The following NXPH1 variants were observed in gnomAD, a reference collection of about 807,000 sequenced individuals.
NXPH1 encodes the protein neurexophilin-1.
Under a neutral mutation model 23.7 loss-of-function variants are expected in NXPH1, and 5 were observed. The observed-to-expected ratio is 0.21, with a 90% CI of 0.11 to 0.44. The LOEUF (loss-of-function observed/expected upper bound fraction) is 0.44, where lower values mean the gene tolerates loss of function less well. Among genes scored for constraint, NXPH1 ranks in the 20% least tolerant of loss-of-function variants. The probability of loss-of-function intolerance (pLI) is 0.99; values close to 1 mark genes in which losing one functional copy is unlikely to be tolerated. For synonymous variants in NXPH1, 144 were observed against 122.2 expected, an observed-to-expected ratio of 1.18 and a Z score of -1.18; for missense variants, 324 against 321.6, an observed-to-expected ratio of 1.01 and a Z score of -0.06.
intron 2 of NXPH1, among the ~76,000 whole-genome samples, chr7:8,707,884 CCTTT>C (rs1779728217): frequency 6.6e-6 from 1 of 151,920 alleles, no homozygotes; most frequent in Non-Finnish European, 1.5e-5. Context: ...TTAGAATTTC[CCTTT>C]CTTATTCTTT....
At chr7:8,572,219 A>G (rs1278318503) in intron 2 of NXPH1, among the ~76,000 whole-genome samples, 3 of 152,018 alleles carry the variant, frequency 2.0e-5, no homozygotes, top group Admixed American at 1.3e-4. Flanking sequence ...TACTTCCTCC[A>G]ATGCCCTAAT....
chr7:8,557,987 C>T (rs978733053), intron 2 of NXPH1, among the ~76,000 whole-genome samples: 8 of 151,528 alleles, frequency 5.3e-5, no homozygotes, highest in Non-Finnish European at 1.0e-4. Context: ...CCTCTCTGCC[C>T]GCACAGTCCT....
intron 2 of NXPH1, among the ~76,000 whole-genome samples, chr7:8,619,964 T>A (rs1422797350): frequency 6.6e-6 from 1 of 152,140 alleles, no homozygotes; most frequent in African/African-American, 2.4e-5. Flanking sequence ...GTTAACCAAG[T>A]GTCCTTTCCC....
intron 2 of NXPH1, among the ~76,000 whole-genome samples, chr7:8,541,496 A>G (rs1818116271): frequency 6.6e-6 from 1 of 151,666 alleles, no homozygotes; most frequent in Non-Finnish European, 1.5e-5. Context: ...CCTAATCACA[A>G]AAAATATGAA....
intron 2 of NXPH1, among the ~76,000 whole-genome samples, chr7:8,643,643 G>A (rs777897594): frequency 9.9e-5 from 15 of 151,882 alleles, no homozygotes; most frequent in Admixed American, 2.6e-4. Context: ...TATATAATAC[G>A]AACAAGATTT....
intron 2 of NXPH1, among the ~76,000 whole-genome samples, chr7:8,695,781 T>C (rs1301508505): frequency 6.6e-6 from 1 of 152,214 alleles, no homozygotes; most frequent in African/African-American, 2.4e-5. Context: ...AGATTCAGAT[T>C]GTTGAATTTT....
At chr7:8,743,689 C>CTTTTTTTTTTTTTCTTTTCT (rs5882188) in intron 2 of NXPH1, among the ~76,000 whole-genome samples, 1 of 141,676 alleles carries the variant, frequency 7.1e-6, no homozygotes, top group African/African-American at 2.6e-5. Flanking sequence ...TTTTTCTTTT[C>CTTTTTTTTTTTTTCTTTTCT]TTTTTTTTTT....
intron 2 of NXPH1, among the ~76,000 whole-genome samples, chr7:8,526,559 C>A (rs1051244351): frequency 6.6e-6 from 1 of 152,140 alleles, no homozygotes; most frequent in African/African-American, 2.4e-5. Flanking sequence ...TGAATTGTAT[C>A]TCACATAATT....
chr7:8,691,415 C>T (rs1015937471), intron 2 of NXPH1, among the ~76,000 whole-genome samples: 4 of 152,164 alleles, frequency 2.6e-5, no homozygotes, highest in African/African-American at 4.8e-5. Context: ...TCCCAAAGTG[C>T]TGGGATCATA....
intron 2 of NXPH1, among the ~76,000 whole-genome samples, chr7:8,739,927 A>T (rs1780332409): frequency 6.6e-6 from 1 of 152,204 alleles, no homozygotes; most frequent in Admixed American, 6.5e-5. Context: ...TTTCAGCTCC[A>T]TTATAATCTC....
intron 2 of NXPH1, among the ~76,000 whole-genome samples, chr7:8,701,791 A>G (rs1052427522): frequency 6.6e-6 from 1 of 152,122 alleles, no homozygotes; most frequent in Non-Finnish European, 1.5e-5. Flanking sequence ...CTTTAGAAAG[A>G]TTCTTCAGTT....
At chr7:8,504,593 TGGAGAA>T (rs1817491286) in intron 2 of NXPH1, among the ~76,000 whole-genome samples, 1 of 152,080 alleles carries the variant, frequency 6.6e-6, no homozygotes, top group African/African-American at 2.4e-5. Context: ...AGTAAATGAA[TGGAGAA>T]CAAGGCCTAT....
At chr7:8,680,450 G>C (rs1169438811) in intron 2 of NXPH1, among the ~76,000 whole-genome samples, 1 of 152,176 alleles carries the variant, frequency 6.6e-6, no homozygotes, top group Non-Finnish European at 1.5e-5. Flanking sequence ...AGATTGCATT[G>C]AGAAAAACAA....
At chr7:8,491,965 T>C (rs905619798) in intron 2 of NXPH1, among the ~76,000 whole-genome samples, 3 of 152,072 alleles carry the variant, frequency 2.0e-5, no homozygotes, top group Non-Finnish European at 4.4e-5. Flanking sequence ...AATTACTGTA[T>C]ACAACACACA....
intron 2 of NXPH1, among the ~76,000 whole-genome samples, chr7:8,545,306 C>A (rs1483338719): frequency 6.6e-6 from 1 of 151,374 alleles, no homozygotes; most frequent in African/African-American, 2.4e-5. Context: ...AGTGTTGGGC[C>A]AGTTGATCTT....
chr7:8,738,915 G>A (rs566404791), intron 2 of NXPH1, among the ~76,000 whole-genome samples: 19 of 152,154 alleles, frequency 1.2e-4, no homozygotes, highest in African/African-American at 4.3e-4. Flanking sequence ...CAGCAGCTTT[G>A]TTTACACTGT....
At chr7:8,643,998 G>T (rs1044418608) in intron 2 of NXPH1, among the ~76,000 whole-genome samples, 1 of 152,084 alleles carries the variant, frequency 6.6e-6, no homozygotes, top group Non-Finnish European at 1.5e-5. Context: ...GGGGTTCATG[G>T]ACAACAACAG....
intron 2 of NXPH1, among the ~76,000 whole-genome samples, chr7:8,708,423 C>T (rs1170867964): frequency 4.6e-5 from 7 of 152,028 alleles, no homozygotes; most frequent in East Asian, 1.9e-4. Context: ...TACAATGGCA[C>T]GATCTCAGCT....
intron 2 of NXPH1, among the ~76,000 whole-genome samples, chr7:8,611,738 A>C (rs1819626840): frequency 6.6e-6 from 1 of 152,112 alleles, no homozygotes; most frequent in Admixed American, 6.6e-5. Context: ...ATTTGCATAA[A>C]GTTCATGGTA....
Sources: gnomAD v4.1 joint callset for allele counts (sites outside exome capture counted in the v4.1 genomes callset) on GRCh38, gnomAD v4.1.1 for gene constraint, MANE v1.5 for transcripts, NCBI Gene and HGNC (gene_info 2026-07-23, HGNC 2026-07-21) for gene names.